GLIS3: variants seen among roughly 807,000 people sequenced by gnomAD.
GLIS3 encodes the protein GLIS family zinc finger 3, also known as zinc finger protein GLIS3.
In GLIS3, 53 loss-of-function variants were observed where a neutral mutation model predicts 78.6. That is an observed-to-expected ratio of 0.67 (90% CI 0.54 to 0.85). GLIS3 has a LOEUF of 0.85. Among genes scored for constraint, GLIS3 ranks in the 40% least tolerant of loss-of-function variants. The pLI is 0.00. For synonymous variants in GLIS3, 684 were observed against 509.9 expected, an observed-to-expected ratio of 1.34 and a Z score of -4.60; for missense variants, 1,703 against 1,231.1, an observed-to-expected ratio of 1.38 and a Z score of -5.74.
chr9:4,167,135 T>G (rs1033542817), intron 2 of GLIS3, among the ~76,000 whole-genome samples: 1 of 152,150 alleles, frequency 6.6e-6, no homozygotes, highest in South Asian at 2.1e-4. Context: ...CATTGTACCA[T>G]TGACAGAAAT....
At chr9:4,212,080 T>C (rs1324262991) in intron 2 of GLIS3, among the ~76,000 whole-genome samples, 1 of 152,234 alleles carries the variant, frequency 6.6e-6, no homozygotes, top group Non-Finnish European at 1.5e-5. Context: ...AACTGGATTA[T>C]GGTCATGGTT....
chr9:3,886,014 G>A (rs898246356), intron 7 of GLIS3, among the ~76,000 whole-genome samples: 3 of 152,220 alleles, frequency 2.0e-5, no homozygotes, highest in South Asian at 2.1e-4. Context: ...AGAAAACACT[G>A]AGCATATGCC....
intron 2 of GLIS3, among the ~76,000 whole-genome samples, chr9:4,207,054 T>C (rs1251016841): frequency 6.6e-6 from 1 of 152,176 alleles, no homozygotes; most frequent in African/African-American, 2.4e-5. Context: ...ACAGAATCCC[T>C]AGACCAGAGG....
At chr9:3,885,264 C>G (rs887031272) in intron 7 of GLIS3, among the ~76,000 whole-genome samples, 1 of 152,184 alleles carries the variant, frequency 6.6e-6, no homozygotes, top group Non-Finnish European at 1.5e-5. Flanking sequence ...TATATGCATC[C>G]TTTACCACAA....
intron 4 of GLIS3, among the ~76,000 whole-genome samples, chr9:4,055,095 A>G (rs1826037632): frequency 6.6e-6 from 1 of 152,212 alleles, no homozygotes; most frequent in African/African-American, 2.4e-5. Context: ...GAAAGAAGGC[A>G]ATGCCTTTTT....
At chr9:4,353,697 C>T in the GLIS3 span, among the ~76,000 whole-genome samples, 1 of 152,204 alleles carries the variant, frequency 6.6e-6, no homozygotes, top group African/African-American at 2.4e-5. Context: ...AGATCCCTCC[C>T]CTAAACCACA....
At chr9:4,148,132 A>C (rs576972432) in intron 2 of GLIS3, among the ~76,000 whole-genome samples, 1 of 152,276 alleles carries the variant, frequency 6.6e-6, no homozygotes, top group Admixed American at 6.5e-5. Flanking sequence ...TTAACATTTA[A>C]CTTGAACACC....
chr9:4,250,071 C>A (rs10974410), intron 2 of GLIS3, among the ~76,000 whole-genome samples: 1 of 151,856 alleles, frequency 6.6e-6, no homozygotes, highest in Non-Finnish European at 1.5e-5. Flanking sequence ...GATATTGGCC[C>A]GAAATTTTCT....
chr9:4,187,140 A>C (rs1586916130), intron 2 of GLIS3, among the ~76,000 whole-genome samples: 1 of 152,182 alleles, frequency 6.6e-6, no homozygotes, highest in East Asian at 1.9e-4. Context: ...TCTAACGTTT[A>C]AGTCTTTAAT....
At chr9:3,959,399 T>C (rs1296219933) in intron 4 of GLIS3, among the ~76,000 whole-genome samples, 1 of 152,202 alleles carries the variant, frequency 6.6e-6, no homozygotes, top group African/African-American at 2.4e-5. Flanking sequence ...GTCTGTGATA[T>C]TTTTGGTATA....
In GLIS3 at chr9:4,118,276, C is replaced by T. The variant is rs1378507856; in HGVS notation, c.1202G>A (p.Gly401Asp). Residue 401 changes from glycine (G) to aspartate (D), a missense_variant, in exon 4 of 11, where the codon GGC becomes GAC. Coordinates refer to ENST00000381971, the MANE Select transcript of GLIS3 (RefSeq NM_001042413.2). This position sits in a 1 kb window ranked among gnomAD's most constrained non-coding sequence, Gnocchi z 4.7. ...EHERMQQLEH[G>D]GLQPGLVNHM... ...GTTGACCAGGCCTGGCTGCAGGCCG[C>T]CGTGCTCCAGCTGTTGCATGCGCTC... 2.5e-6 allele frequency: 4 copies of T among 1,585,332 alleles called. No individual in the cohort carries two copies. The highest frequency in any genetic ancestry group is 1.1e-5 in the South Asian group (1 of 87,740).
chr9:4,182,257 T>G (rs1586901789), intron 2 of GLIS3, among the ~76,000 whole-genome samples: 2 of 152,196 alleles, frequency 1.3e-5, no homozygotes, highest in Non-Finnish European at 2.9e-5. Context: ...GTAAAAAATT[T>G]TTTTGGAATG....
upstream of GLIS3, among the ~76,000 whole-genome samples, chr9:4,302,950 T>G (rs1301104248): frequency 6.6e-6 from 1 of 152,016 alleles, no homozygotes; most frequent in Non-Finnish European, 1.5e-5. Flanking sequence ...AGTATAGGAA[T>G]CAGCATCAAA....
upstream of GLIS3, among the ~76,000 whole-genome samples, chr9:4,304,719 G>A (rs919251268): frequency 1.3e-5 from 2 of 152,182 alleles, no homozygotes; most frequent in East Asian, 3.9e-4. Flanking sequence ...GCAGAATTAA[G>A]CTCTGGAACA....
chr9:4,093,233 G>A (rs1219810929), intron 4 of GLIS3, among the ~76,000 whole-genome samples: 2 of 151,132 alleles, frequency 1.3e-5, no homozygotes, highest in African/African-American at 4.9e-5. Context: ...CAGAGTCCAC[G>A]CTCTTAATCA....
intron 4 of GLIS3, among the ~76,000 whole-genome samples, chr9:3,973,707 A>G (rs1173396488): frequency 1.3e-5 from 2 of 152,174 alleles, no homozygotes; most frequent in African/African-American, 4.8e-5. Context: ...CTAAGAATAA[A>G]TATCTCTAAT....
At chr9:4,340,228 T>A (rs530589217) in intron 2 of GLIS3, among the ~76,000 whole-genome samples, 1 of 151,300 alleles carries the variant, frequency 6.6e-6, no homozygotes, top group East Asian at 1.9e-4. Context: ...ATGTATTTTT[T>A]AAATCTCTGA....
intron 2 of GLIS3, among the ~76,000 whole-genome samples, chr9:4,190,430 C>A (rs1318200046): frequency 1.3e-5 from 2 of 149,218 alleles, no homozygotes; most frequent in African/African-American, 4.9e-5. Flanking sequence ...GAAAGGGTAT[C>A]AGTGATGGAA....
intron 2 of GLIS3, among the ~76,000 whole-genome samples, chr9:4,127,114 G>T (rs1395391070): frequency 6.6e-6 from 1 of 152,104 alleles, no homozygotes; most frequent in African/African-American, 2.4e-5. Context: ...GTTTCCATCA[G>T]TGCAGCCCTA....
Sources: gnomAD v4.1 joint callset for allele counts (sites outside exome capture counted in the v4.1 genomes callset) on GRCh38, gnomAD v4.1.1 for gene constraint, Gnocchi (gnomAD v3.1) non-coding constraint, MANE v1.5 for transcripts, NCBI Gene and HGNC (gene_info 2026-07-23, HGNC 2026-07-21) for gene names.